Variants in SCAPER observed in about 807,000 individuals in gnomAD.
SCAPER encodes the protein S-phase cyclin A associated protein in the ER.
SCAPER carries 98 observed loss-of-function variants against 182.2 expected under a neutral mutation model. That is an observed-to-expected ratio of 0.54 (90% CI 0.46 to 0.64). The LOEUF (loss-of-function observed/expected upper bound fraction) is 0.64. Ranked by LOEUF, SCAPER falls within the 30% of genes least tolerant of loss-of-function variation. The pLI is 0.00. For synonymous variants in SCAPER, 605 were observed against 564.6 expected (o/e 1.07, Z -1.01); for missense variants, 1,432 against 1,690.0 (o/e 0.85, Z 2.68).
chr15:76,382,026 G>T (rs1482354835), intron 27 of SCAPER, among the ~76,000 whole-genome samples: 1 of 152,186 alleles, frequency 6.6e-6, no homozygotes, highest in African/African-American at 2.4e-5. Flanking sequence ...TCTTAGGGAA[G>T]GCAGCTATTA....
At chr15:76,694,661 A>G (rs2058559106) in intron 20 of SCAPER, among the ~76,000 whole-genome samples, 1 of 152,136 alleles carries the variant, frequency 6.6e-6, no homozygotes, top group Non-Finnish European at 1.5e-5. Flanking sequence ...CATTAAACAA[A>G]ACCTTTAAGG....
intron 15 of SCAPER, among the ~76,000 whole-genome samples, chr15:76,750,176 GA>G (rs201584961): frequency 0.16 from 23,303 of 147,648 alleles, 2,019 homozygotes; most frequent in African/African-American, 0.25. Flanking sequence ...ATATCCATAT[GA>G]AAAAAAAAAA....
At position 76,862,498 on chromosome 15, in the gene SCAPER, T is replaced by C. The variant is rs982643337; in HGVS notation, c.42A>G (p.Val14=). Residue 14 remains valine, a synonymous_variant, in exon 3 of 32, where the codon GTA becomes GTG. Transcript: ENST00000563290. ...GACCCTCCTCTGCAACTATTCTCCT[T>C]ACTTTGTCATGACTATTGGAGCGCT... The part of the protein sequence containing the change: ...SFQRSNSHDK[V]RRIVAEEGRT... The C allele has an allele frequency of 1.2e-6, 2 of 1,613,136 alleles. No individual in the cohort carries two copies. Among genetic ancestry groups the C allele is most frequent in the African/African-American group, 2.7e-5 (2 of 74,914 alleles).
chr15:76,789,452 G>A (rs977125411), intron 8 of SCAPER, among the ~76,000 whole-genome samples: 10 of 151,990 alleles, frequency 6.6e-5, no homozygotes, highest in Non-Finnish European at 1.5e-4. Flanking sequence ...GCTTAAAATT[G>A]GACCTAATCT....
At chr15:76,562,973 A>G (rs965252875) in intron 23 of SCAPER, among the ~76,000 whole-genome samples, 4 of 152,336 alleles carry the variant, frequency 2.6e-5, no homozygotes, top group Non-Finnish European at 5.9e-5. Flanking sequence ...CAAAATGCAG[A>G]CAGTAGGATT....
chr15:76,433,924 G>T (rs189411923), intron 26 of SCAPER, among the ~76,000 whole-genome samples, 154 bp downstream of exon 26: 1 of 152,332 alleles, frequency 6.6e-6, no homozygotes, highest in African/African-American at 2.4e-5. Flanking sequence ...TGATAAATCT[G>T]AGAAATATTT....
intron 4 of SCAPER, among the ~76,000 whole-genome samples, chr15:76,852,828 T>C (rs1213059615): frequency 1.3e-5 from 2 of 151,860 alleles, no homozygotes; most frequent in African/African-American, 4.8e-5. Context: ...GAAGACAAGA[T>C]ATAAACAAAA....
At chr15:76,372,536 C>T (rs1054007170) in intron 29 of SCAPER, among the ~76,000 whole-genome samples, 4 of 152,248 alleles carry the variant, frequency 2.6e-5, no homozygotes, top group African/African-American at 7.2e-5. Flanking sequence ...GCAGAAAAAC[C>T]GTCTGAAATC....
Position 76,606,032 on chromosome 15 carries a change from A to C in SCAPER, c.2711+15732T>G, listed in dbSNP as rs939697525. On this transcript the variant is annotated intron_variant, in intron 22 of 31. Coordinates refer to ENST00000563290, the MANE Select transcript of SCAPER (RefSeq NM_020843.4). ...TGTCTCTATTTCCTTCAGTTCTGCA[A>C]TGATCTTAGTTATTTCTTGCCTTCT... 5.3e-5 allele frequency among the ~76,000 whole-genome samples: 8 copies of C among 151,976 alleles called. No homozygotes were observed. The South Asian group carries it at 6.2e-4, about 12-fold the overall frequency.
At chr15:76,800,689 G>A (rs2065717972) in intron 6 of SCAPER, among the ~76,000 whole-genome samples, 1 of 152,148 alleles carries the variant, frequency 6.6e-6, no homozygotes, top group African/African-American at 2.4e-5. Flanking sequence ...CAAATGCCCA[G>A]CTAAAAAAAT....
chr15:76,351,783 G>C (rs1357642910), intron 30 of SCAPER, among the ~76,000 whole-genome samples: 1 of 152,042 alleles, frequency 6.6e-6, no homozygotes, highest in African/African-American at 2.4e-5. Flanking sequence ...ACACATAAGA[G>C]ACCTTGAGGA....
rs11856288 is a variant in SCAPER at position 76,859,463 on chromosome 15, A to G, written c.125-1584T>C. Among the ~76,000 whole-genome samples, 1,232 of 152,390 alleles carry G rather than the reference A, an allele frequency of 8.1e-3. 13 individuals carry two copies. The highest frequency in any genetic ancestry group is 0.028 in the African/African-American group (1,168 of 41,594). On this transcript the variant is annotated intron_variant, in intron 3 of 31. Transcript: ENST00000563290. Reference sequence around the variant, plus strand: ...TTTTAGAATATCCAGCAGAAAAACCAGCTTAGAAACAGAAATAATACAAAG... The same window carrying G: ...TTTTAGAATATCCAGCAGAAAAACCGGCTTAGAAACAGAAATAATACAAAG...
intron 20 of SCAPER, among the ~76,000 whole-genome samples, chr15:76,687,134 G>A (rs982941913): frequency 1.3e-5 from 2 of 152,074 alleles, no homozygotes; most frequent in Admixed American, 1.3e-4. Context: ...AATACAAGGA[G>A]ATGTGAAGAA....
intron 23 of SCAPER, among the ~76,000 whole-genome samples, chr15:76,573,913 T>A (rs920268952): frequency 4.6e-5 from 7 of 151,904 alleles, no homozygotes; most frequent in Admixed American, 3.9e-4. Context: ...TTTATTTGTG[T>A]GAGGAAAACA....
intron 23 of SCAPER, among the ~76,000 whole-genome samples, chr15:76,514,638 T>A (rs978798849): frequency 6.6e-6 from 1 of 152,292 alleles, no homozygotes; most frequent in Middle Eastern, 3.4e-3. Context: ...ATTAGCAGTA[T>A]AGGCTACATT....
intron 22 of SCAPER, among the ~76,000 whole-genome samples, chr15:76,605,677 A>G (rs1481043268): frequency 1.3e-5 from 2 of 152,134 alleles, no homozygotes; most frequent in Non-Finnish European, 2.9e-5. Flanking sequence ...TTGGTAAGCT[A>G]TTAATTATTG....
Position 76,534,555 on chromosome 15 carries a change from G to T in SCAPER, c.2839-29581C>A, listed in dbSNP as rs114723228. On this transcript the variant is annotated intron_variant, in intron 23 of 31. Coordinates refer to ENST00000563290, the MANE Select transcript of SCAPER (RefSeq NM_020843.4). Reference sequence around the variant, plus strand: ...TAGAAATCTGTTAACTTTAGTTTCTGGTTTTTCAGTGATTTTACGTGAAAG... The same window carrying T: ...TAGAAATCTGTTAACTTTAGTTTCTTGTTTTTCAGTGATTTTACGTGAAAG... 8.1e-3 allele frequency among the ~76,000 whole-genome samples: 1,239 copies of T among 152,084 alleles called. 13 individuals carry two copies. The highest frequency in any genetic ancestry group is 0.028 in the African/African-American group (1,175 of 41,490).
intron 14 of SCAPER, among the ~76,000 whole-genome samples, chr15:76,755,562 T>G (rs1348510413): frequency 4.6e-5 from 7 of 152,206 alleles, no homozygotes; most frequent in African/African-American, 1.7e-4. Flanking sequence ...TTCAACATGC[T>G]GTGTTAGGTA....
chr15:76,535,650 A>G (rs944331029), intron 23 of SCAPER, among the ~76,000 whole-genome samples: 1 of 150,338 alleles, frequency 6.7e-6, no homozygotes, highest in Non-Finnish European at 1.5e-5. Context: ...GACAACATAC[A>G]GGTATTGCTG....
Sources: allele counts gnomAD v4.1 joint callset (sites outside exome capture counted in the v4.1 genomes callset), GRCh38; gene constraint gnomAD v4.1.1; transcripts MANE v1.5; gene names NCBI Gene and HGNC (gene_info 2026-07-23, HGNC 2026-07-21).